The following DENND1A variants were observed in gnomAD, a reference collection of about 807,000 sequenced individuals.
DENND1A encodes the protein DENN domain-containing protein 1A.
In DENND1A, 51 loss-of-function variants were observed where a neutral mutation model predicts 113.7. That is an observed-to-expected ratio of 0.45 (90% confidence interval 0.36 to 0.57). The LOEUF (loss-of-function observed/expected upper bound fraction) is 0.57, where lower values mean the gene tolerates loss of function less well. Ranked by LOEUF, DENND1A falls within the 20% of genes least tolerant of loss-of-function variation. DENND1A has a pLI of 0.00. For synonymous variants in DENND1A, 565 were observed against 570.8 expected, an observed-to-expected ratio of 0.99 and a Z score of 0.14; for missense variants, 1,258 against 1,395.9, an observed-to-expected ratio of 0.90 and a Z score of 1.57.
chr9:123,700,712 A>C (rs1343629623), intron 5 of DENND1A, among the ~76,000 whole-genome samples: 3 of 152,224 alleles, frequency 2.0e-5, no homozygotes, highest in African/African-American at 4.8e-5. Context: ...AGTTAGATTT[A>C]AAATACCTTC....
chr9:123,529,994 C>A (rs2055163500), intron 13 of DENND1A, among the ~76,000 whole-genome samples: 1 of 152,096 alleles, frequency 6.6e-6, no homozygotes, highest in African/African-American at 2.4e-5. Context: ...ATCACCTATT[C>A]TGAAAGATAA....
chr9:123,826,930 C>A (rs767350122), intron 2 of DENND1A, among the ~76,000 whole-genome samples: 7 of 152,044 alleles, frequency 4.6e-5, no homozygotes, highest in Non-Finnish European at 8.8e-5. Flanking sequence ...ATAATGTAAA[C>A]CTAACTTAAA....
At position 123,636,473 on chromosome 9, in the gene DENND1A, C is replaced by T. The variant is rs534029163; in HGVS notation, c.619-5997G>A. Among the ~76,000 whole-genome samples the T allele has an allele frequency of 1.1e-4, 16 of 152,000 alleles. No homozygotes were observed. The South Asian group carries it at 1.5e-3, about 14-fold the overall frequency. On this transcript the variant is annotated intron_variant, in intron 9 of 23. Coordinates refer to ENST00000394215, the MANE Select transcript of DENND1A (RefSeq NM_001352964.2). Reference sequence around the variant, plus strand: ...CTGGGATTACAGGCACCTGCTACCACGCCCAATTAATGTTTGTATTTTTAG... The same window carrying T: ...CTGGGATTACAGGCACCTGCTACCATGCCCAATTAATGTTTGTATTTTTAG...
chr9:123,861,060 T>C (rs752626695), intron 2 of DENND1A, among the ~76,000 whole-genome samples: 4 of 152,190 alleles, frequency 2.6e-5, no homozygotes, highest in Non-Finnish European at 5.9e-5. Context: ...CTAATTTGAC[T>C]AGTAAGAGTC....
chr9:123,884,637 T>C (rs1246414548), intron 1 of DENND1A, among the ~76,000 whole-genome samples: 3 of 152,136 alleles, frequency 2.0e-5, no homozygotes, highest in Non-Finnish European at 4.4e-5. Flanking sequence ...ACCATTTCCA[T>C]ACAGCTAACA....
At chr9:123,689,736 A>T (rs533721784) in intron 5 of DENND1A, among the ~76,000 whole-genome samples, 47 of 152,220 alleles carry the variant, frequency 3.1e-4, no homozygotes, top group African/African-American at 1.0e-3. Context: ...TTCAGAAGCC[A>T]AGGCGGGTGG....
At chr9:123,526,016 A>T (rs59933209) in intron 13 of DENND1A, among the ~76,000 whole-genome samples, 15,814 of 152,088 alleles carry the variant, frequency 0.1, 1,161 homozygotes, top group African/African-American at 0.2. Context: ...TTGGCCTCCC[A>T]AAATGCTGGG....
intron 13 of DENND1A, among the ~76,000 whole-genome samples, chr9:123,458,414 T>A (rs2132959018): frequency 6.6e-6 from 1 of 152,326 alleles, no homozygotes; most frequent in Non-Finnish European, 1.5e-5. Context: ...AATAGTGAAG[T>A]AGCTATTATC....
intron 8 of DENND1A, among the ~76,000 whole-genome samples, chr9:123,666,580 A>T (rs530936834): frequency 5.9e-5 from 9 of 152,356 alleles, no homozygotes; most frequent in Non-Finnish European, 1.2e-4. Flanking sequence ...CATTTCACTT[A>T]TAAAAGCAGA....
intron 9 of DENND1A, among the ~76,000 whole-genome samples, chr9:123,633,568 A>G (rs2061572987): frequency 6.6e-6 from 1 of 152,126 alleles, no homozygotes; most frequent in Non-Finnish European, 1.5e-5. Context: ...TGAGATCAGG[A>G]GTTCAAGACC....
chr9:123,443,302 A>C (rs571159252), intron 18 of DENND1A, among the ~76,000 whole-genome samples: 1 of 152,354 alleles, frequency 6.6e-6, no homozygotes, highest in East Asian at 1.9e-4. Flanking sequence ...CACTGATCAT[A>C]GGCTGCCATG....
intron 13 of DENND1A, among the ~76,000 whole-genome samples, chr9:123,502,602 T>C (rs573848700): frequency 4.3e-4 from 65 of 152,372 alleles, no homozygotes; most frequent in African/African-American, 1.4e-3. Flanking sequence ...AGATATATGC[T>C]TTAAAAACAT....
intron 1 of DENND1A, among the ~76,000 whole-genome samples, chr9:123,886,250 T>A (rs551098242): frequency 3.9e-5 from 6 of 152,202 alleles, no homozygotes; most frequent in Admixed American, 3.9e-4. Flanking sequence ...TTAATTAGGA[T>A]CTACTTTTCC....
chr9:123,627,159 G>A (rs905409664), intron 10 of DENND1A, among the ~76,000 whole-genome samples: 2 of 152,216 alleles, frequency 1.3e-5, no homozygotes, highest in African/African-American at 4.8e-5. Context: ...CTCTCTAGCA[G>A]GTCCTCTCTG....
chr9:123,448,316 T>C (rs2047457449), intron 18 of DENND1A, among the ~76,000 whole-genome samples: 1 of 152,166 alleles, frequency 6.6e-6, no homozygotes, highest in African/African-American at 2.4e-5. Context: ...TTTGCAGAAA[T>C]GTTACTTATC....
At chr9:123,651,293 C>T (rs2062636976) in intron 9 of DENND1A, among the ~76,000 whole-genome samples, 1 of 152,202 alleles carries the variant, frequency 6.6e-6, no homozygotes, top group Admixed American at 6.5e-5. Flanking sequence ...TATTCAGTTA[C>T]CTCTAACCAA....
At chr9:123,701,185 T>C (rs2065862776) in intron 5 of DENND1A, among the ~76,000 whole-genome samples, 1 of 152,136 alleles carries the variant, frequency 6.6e-6, no homozygotes, top group Non-Finnish European at 1.5e-5. Flanking sequence ...TAAAAATTGA[T>C]AGAAGGTAGA....
chr9:123,536,097 C>T (rs538182175), intron 13 of DENND1A, among the ~76,000 whole-genome samples: 12 of 152,238 alleles, frequency 7.9e-5, no homozygotes, highest in African/African-American at 2.9e-4. Context: ...GAACAATGAA[C>T]CCCCAAATGC....
At chr9:123,733,313 T>G (rs1275094405) in intron 5 of DENND1A, among the ~76,000 whole-genome samples, 1 of 145,232 alleles carries the variant, frequency 6.9e-6, no homozygotes. Flanking sequence ...AGGATCTGAC[T>G]CTGTTGCCCA....
Sources: allele counts gnomAD v4.1 joint callset (sites outside exome capture counted in the v4.1 genomes callset), GRCh38; gene constraint gnomAD v4.1.1; transcripts MANE v1.5; gene names NCBI Gene and HGNC (gene_info 2026-07-23, HGNC 2026-07-21).